Variants in ERN1 observed in about 807,000 individuals in gnomAD.
The protein encoded by ERN1 is endoplasmic reticulum to nucleus signaling 1, also known as serine/threonine-protein kinase/endoribonuclease IRE1.
ERN1 carries 39 observed loss-of-function variants against 113.1 expected under a neutral mutation model. That is an observed-to-expected ratio of 0.34 (90% CI 0.27 to 0.45). ERN1 has a LOEUF of 0.45. Ranked by LOEUF, ERN1 falls within the 20% of genes least tolerant of loss-of-function variation. The pLI, the probability that ERN1 is intolerant of heterozygous loss-of-function variation, is 1.00. For missense variants in ERN1, 976 were observed against 1,274.8 expected (o/e 0.77, Z 3.57); for synonymous variants, 507 against 515.9 (o/e 0.98, Z 0.23).
chr17:64,058,060 C>T (rs1489419816), intron 11 of ERN1, 67 bp from the exon 12 acceptor site: 4 of 1,219,112 alleles, frequency 3.3e-6, no homozygotes, highest in Non-Finnish European at 4.5e-6. Context: ...GGCCAGCAAT[C>T]AAGAGAAGCA....
intron 2 of ERN1, among the ~76,000 whole-genome samples, chr17:64,093,888 G>A (rs770251518): frequency 6.6e-6 from 1 of 152,214 alleles, no homozygotes; most frequent in Non-Finnish European, 1.5e-5. Flanking sequence ...GGTATCCGTA[G>A]GGAGAGCACA....
At chr17:64,103,759 T>A (rs1303294095) in intron 1 of ERN1, among the ~76,000 whole-genome samples, 1 of 152,226 alleles carries the variant, frequency 6.6e-6, no homozygotes, top group Non-Finnish European at 1.5e-5. Context: ...CCTTCTGAAA[T>A]AACTTCATTT....
chr17:64,070,015 T>G (rs1200751563), intron 6 of ERN1, among the ~76,000 whole-genome samples: 1 of 152,196 alleles, frequency 6.6e-6, no homozygotes, highest in Non-Finnish European at 1.5e-5. Flanking sequence ...AGTCTATATC[T>G]CTACCCTTGA....
intron 1 of ERN1, chr17:64,129,663 G>A (rs1915180668): frequency 5.4e-6 from 2 of 371,770 alleles, no homozygotes; most frequent in Non-Finnish European, 9.6e-6. Flanking sequence ...CCCAAGTGCC[G>A]TGCAGGACGC....
intron 17 of ERN1, among the ~76,000 whole-genome samples, chr17:64,050,372 T>G (rs196926): frequency 6.6e-6 from 1 of 152,122 alleles, no homozygotes; most frequent in Non-Finnish European, 1.5e-5. Context: ...CCTACCTGCC[T>G]GGCCCCAATT....
chr17:64,126,922 T>A (rs952223933), intron 1 of ERN1, among the ~76,000 whole-genome samples: 3 of 151,342 alleles, frequency 2.0e-5, no homozygotes, highest in Non-Finnish European at 4.4e-5. Context: ...TTATAGCTTT[T>A]AAAAAAAAAG....
chr17:64,098,478 C>A, intron 1 of ERN1: 2 of 703,206 alleles, frequency 2.8e-6, no homozygotes, highest in Non-Finnish European at 5.3e-6. Flanking sequence ...ATTACAAGGA[C>A]AAGAATTCTG....
chr17:64,082,452 C>A (rs1913796141), intron 2 of ERN1, among the ~76,000 whole-genome samples: 1 of 152,174 alleles, frequency 6.6e-6, no homozygotes, highest in African/African-American at 2.4e-5. Context: ...GCATGCAAGC[C>A]AAGAAGAGCA....
intron 1 of ERN1, among the ~76,000 whole-genome samples, chr17:64,112,089 C>A (rs138827371): frequency 6.6e-6 from 1 of 151,984 alleles, no homozygotes; most frequent in African/African-American, 2.4e-5. Context: ...AAGCAGTGGC[C>A]GGGAGCAGTG....
chr17:64,051,596 C>T (rs1912686357), intron 17 of ERN1, among the ~76,000 whole-genome samples: 1 of 152,152 alleles, frequency 6.6e-6, no homozygotes, highest in Admixed American at 6.5e-5. Context: ...AGGAAAAAAG[C>T]AAACAAACCA....
At chr17:64,070,732 T>C (rs1381859348) in intron 6 of ERN1, among the ~76,000 whole-genome samples, 1 of 152,244 alleles carries the variant, frequency 6.6e-6, no homozygotes, top group Non-Finnish European at 1.5e-5. Flanking sequence ...TCAATTGTAA[T>C]GAATTCATCC....
intron 1 of ERN1, among the ~76,000 whole-genome samples, chr17:64,121,112 T>C (rs571225535): frequency 6.4e-4 from 98 of 152,244 alleles, no homozygotes; most frequent in Non-Finnish European, 1.2e-3. Context: ...CTCATTAGTC[T>C]CCTCTGAGAG....
intron 1 of ERN1, among the ~76,000 whole-genome samples, chr17:64,127,051 A>G (rs1915100099): frequency 1.3e-5 from 2 of 152,224 alleles, no homozygotes; most frequent in Non-Finnish European, 2.9e-5. Context: ...TAGGAGCAAG[A>G]TATAGGTCTA....
chr17:64,063,339 C>T lies in ERN1; in HGVS notation c.1087+647G>A, dbSNP rs1221722675. On this transcript the variant is annotated intron_variant, in intron 10 of 21. Transcript: ENST00000433197. This position sits in a 1 kb window ranked among gnomAD's most constrained non-coding sequence, Gnocchi z 5.1. ...CTCACTTCCGCCTTCGTTTGTCACA[C>T]TCACTGCCAACTCAAGAAGTGTCAT... 6.6e-6 allele frequency among the ~76,000 whole-genome samples: 1 copy of T among 152,256 alleles called. No individual in the cohort carries two copies. Among genetic ancestry groups the T allele is most frequent in the East Asian group, 1.9e-4 (1 of 5,204 alleles).
intron 2 of ERN1, among the ~76,000 whole-genome samples, chr17:64,082,126 T>A (rs1913785641): frequency 6.6e-6 from 1 of 152,174 alleles, no homozygotes; most frequent in South Asian, 2.1e-4. Context: ...CTTTTAAGCC[T>A]TATCATATGT....
At chr17:64,119,344 GA>G (rs1485938370) in intron 1 of ERN1, among the ~76,000 whole-genome samples, 7 of 137,734 alleles carry the variant, frequency 5.1e-5, no homozygotes, top group Non-Finnish European at 9.2e-5. Context: ...GTACAGTAGA[GA>G]AAATGTAATA....
At chr17:64,060,690 A>G (rs1210674726) in intron 10 of ERN1, 103 bp from the exon 11 acceptor site, 7 of 766,360 alleles carry the variant, frequency 9.1e-6, no homozygotes, top group Middle Eastern at 4.8e-4. Context: ...GGGGTCCACA[A>G]TGCAAACTCT....
chr17:64,065,677 C>T (rs548144823), intron 8 of ERN1, among the ~76,000 whole-genome samples: 8 of 151,942 alleles, frequency 5.3e-5, no homozygotes, highest in Non-Finnish European at 4.4e-5. Flanking sequence ...ATCACTCCAG[C>T]GACCACCAGA....
intron 1 of ERN1, chr17:64,129,680 G>A (rs1598097553): frequency 5.3e-6 from 2 of 373,900 alleles, no homozygotes; most frequent in East Asian, 7.8e-5. Context: ...ACGCCACGAA[G>A]TTGCGCCCGA....
Sources: allele counts gnomAD v4.1 joint callset (sites outside exome capture counted in the v4.1 genomes callset), GRCh38; gene constraint gnomAD v4.1.1; non-coding constraint Gnocchi (gnomAD v3.1); transcripts MANE v1.5; gene names NCBI Gene and HGNC (gene_info 2026-07-23, HGNC 2026-07-21).